NDEL1: variants seen among roughly 807,000 people sequenced by gnomAD.
NDEL1 encodes the protein nudE neurodevelopment protein 1 like 1.
A neutral mutation model predicts 45.7 loss-of-function variants in NDEL1; 9 were observed. The observed-to-expected ratio is 0.20, with a 90% CI of 0.12 to 0.34. The LOEUF is 0.34. Ranked by LOEUF, NDEL1 falls within the 10% of genes least tolerant of loss-of-function variation. NDEL1 has a pLI of 1.00. For missense variants in NDEL1, 306 were observed against 406.2 expected (o/e 0.75, Z 2.12); for synonymous variants, 133 against 158.6 (o/e 0.84, Z 1.21).
intron 1 of NDEL1, among the ~76,000 whole-genome samples, chr17:8,424,132 T>C (rs1433734597): frequency 6.6e-6 from 1 of 152,236 alleles, no homozygotes; most frequent in Non-Finnish European, 1.5e-5. Context: ...TTGGTGTTTT[T>C]GTCCCTAGAC....
At chr17:8,441,026 T>C (rs1010047855) in intron 1 of NDEL1, among the ~76,000 whole-genome samples, 49 of 152,196 alleles carry the variant, frequency 3.2e-4, no homozygotes, top group African/African-American at 1.1e-3. Flanking sequence ...CTAACAGTCA[T>C]TAGGAACTTC....
rs1189776067 is a variant in NDEL1 at position 8,467,057 on chromosome 17, C to A, written c.*34C>A. 6.2e-7 allele frequency: 1 copy of A among 1,605,508 alleles called. No individual in the cohort carries two copies. The highest frequency in any genetic ancestry group is 1.7e-5 in the Admixed American group (1 of 59,980). On this transcript the variant is annotated 3_prime_UTR_variant, in exon 9 of 9. Transcript: ENST00000334527. The surrounding 1 kb of genome is among the most constrained non-coding windows in gnomAD (Gnocchi z 6.3). ...CCTCCAGGTGGGGGCTCCTGCCCTC[C>A]TCCAACAACCCAGGACACCCACGCC... is the stretch of plus-strand genomic sequence containing the variant.
At chr17:8,454,729 A>C in intron 6 of NDEL1, 67 bp from the exon 7 acceptor site, 1 of 1,198,690 alleles carries the variant, frequency 8.3e-7, no homozygotes, top group South Asian at 1.3e-5. Flanking sequence ...ACTTTGTAAC[A>C]TCAACAACAA....
At chr17:8,449,304 T>C (rs936670494) in intron 5 of NDEL1, among the ~76,000 whole-genome samples, 1 of 151,870 alleles carries the variant, frequency 6.6e-6, no homozygotes, top group African/African-American at 2.4e-5. Context: ...TAAGAAAACA[T>C]TTTTTTTGTG....
At chr17:8,444,174 G>T in intron 1 of NDEL1, 86 bp from the exon 2 acceptor site, 1 of 808,076 alleles carries the variant, frequency 1.2e-6, no homozygotes, top group Non-Finnish European at 2.1e-6. Flanking sequence ...CCAAAATGCT[G>T]CAGTTCAGTG....
intron 1 of NDEL1, among the ~76,000 whole-genome samples, chr17:8,418,226 A>G (rs760766164): frequency 1.6e-4 from 24 of 151,992 alleles, no homozygotes; most frequent in Non-Finnish European, 2.9e-4. Flanking sequence ...ACCTTTTAAA[A>G]TTTTTGTTCG....
chr17:8,464,489 C>T (rs984551830), intron 8 of NDEL1: 1 of 152,218 alleles, frequency 6.6e-6, no homozygotes, highest in African/African-American at 2.4e-5. Flanking sequence ...TTTCTTCTCT[C>T]TCTGTTCTTT....
intron 1 of NDEL1, among the ~76,000 whole-genome samples, chr17:8,421,438 G>A (rs1908704281): frequency 6.6e-6 from 1 of 152,134 alleles, no homozygotes; most frequent in Non-Finnish European, 1.5e-5. Flanking sequence ...GTCAGAGAAG[G>A]CAATATGATG....
chr17:8,448,832 G>C, intron 5 of NDEL1, 146 bp downstream of exon 5: 2 of 861,892 alleles, frequency 2.3e-6, no homozygotes, highest in Non-Finnish European at 3.4e-6. Context: ...GTATATGGAG[G>C]GCTGACTTTT....
chr17:8,468,156 A>G lies in NDEL1; in HGVS notation c.*1133A>G, dbSNP rs543974954. 1.3e-5 allele frequency: 2 copies of G among 152,548 alleles called. No individual in the cohort carries two copies. Among genetic ancestry groups the G allele is most frequent in the South Asian group, 4.1e-4 (2 of 4,834 alleles). 9.4% of individuals were successfully genotyped at this position (152,548 alleles called of 1,614,324 possible). The stretch of plus-strand genomic sequence containing the variant: ...TGTGGAAACAATAAATTTCACAGAA[A>G]AAAAGGATTGACGTTGCTTTATTCA... On this transcript the variant is annotated 3_prime_UTR_variant, in exon 9 of 9. Transcript: ENST00000334527.
intron 1 of NDEL1, among the ~76,000 whole-genome samples, chr17:8,441,332 T>C (rs1472730344): frequency 2.6e-5 from 4 of 152,160 alleles, no homozygotes; most frequent in African/African-American, 9.7e-5. Flanking sequence ...CATCAAAGGC[T>C]ACAAAACCAG....
chr17:8,429,376 T>C (rs913671794), intron 1 of NDEL1, among the ~76,000 whole-genome samples: 1 of 152,238 alleles, frequency 6.6e-6, no homozygotes, highest in Non-Finnish European at 1.5e-5. Context: ...TTTTGGTTTC[T>C]TGGGGGAGAT....
intron 8 of NDEL1, chr17:8,466,699 C>T (rs560161645): frequency 2.1e-5 from 12 of 560,224 alleles, no homozygotes; most frequent in Admixed American, 6.7e-5. Context: ...GGCCAGTGTG[C>T]GGCAGTTGCC....
Position 8,467,485 on chromosome 17 carries a change from C to A in NDEL1, c.*462C>A. The A allele has an allele frequency of 2.7e-6, 1 of 366,916 alleles. No individual in the cohort carries two copies. The highest frequency in any genetic ancestry group is 4.9e-6 in the Non-Finnish European group (1 of 205,978). 22.7% of individuals were successfully genotyped at this position (366,916 alleles called of 1,614,324 possible). A position where few individuals can be genotyped will look rare whatever the true frequency, so the allele number is the denominator to read the frequency against. ...TCTCCAGTGCTCATGATCATGTGTCCCCCAACTCCACCCCTCACAGTTTGG... is the reference window on the plus strand; with the variant it reads ...TCTCCAGTGCTCATGATCATGTGTCACCCAACTCCACCCCTCACAGTTTGG... On this transcript the variant is annotated 3_prime_UTR_variant, in exon 9 of 9. Coordinates refer to ENST00000334527, the MANE Select transcript of NDEL1 (RefSeq NM_030808.5). This position sits in a 1 kb window ranked among gnomAD's most constrained non-coding sequence, Gnocchi z 6.3.
Position 8,467,014 on chromosome 17 carries a change from CAG to C in NDEL1, c.1030_1031del (p.Ser344CysfsTer5), listed in dbSNP as rs765711851. ...PSSAPGMLPL[S>X]V is the part of the protein sequence containing the mutation. ...CGTCAGCGCCGGGTATGCTGCCTCT[CAG>C]TGTGTGAGTGCCTAGCCTCCAGGTG... On this transcript the variant is annotated frameshift_variant, in exon 9 of 9. Transcript: ENST00000334527. LOFTEE classifies it high-confidence loss of function. This position sits in a 1 kb window ranked among gnomAD's most constrained non-coding sequence, Gnocchi z 6.3. 4 of 1,614,148 alleles carry C rather than the reference CAG, an allele frequency of 2.5e-6. No individual in the cohort carries two copies. In the Admixed American group the frequency reaches 6.7e-5, roughly 27 times the overall value.
chr17:8,429,160 C>G (rs1434060496), intron 1 of NDEL1, among the ~76,000 whole-genome samples: 1 of 152,112 alleles, frequency 6.6e-6, no homozygotes, highest in African/African-American at 2.4e-5. Flanking sequence ...GCCTTTCATA[C>G]CAGCGAAAAT....
intron 1 of NDEL1, among the ~76,000 whole-genome samples, chr17:8,426,770 T>C (rs901723006): frequency 2.6e-5 from 4 of 151,948 alleles, no homozygotes; most frequent in Admixed American, 6.6e-5. Flanking sequence ...GTTCCATCAA[T>C]AGGGGAGAAA....
chr17:8,418,189 T>C (rs939382288), intron 1 of NDEL1, among the ~76,000 whole-genome samples: 6 of 152,178 alleles, frequency 3.9e-5, no homozygotes, highest in African/African-American at 1.4e-4. Flanking sequence ...TTGTTTCCTT[T>C]CCTATCATCT....
At chr17:8,444,001 C>T (rs1231597901) in intron 1 of NDEL1, 1 of 304,976 alleles carries the variant, frequency 3.3e-6, no homozygotes, top group African/African-American at 2.2e-5. Context: ...TCACCCAGCG[C>T]CTATGCTGCA....
Sources: gnomAD v4.1 joint callset for allele counts (sites outside exome capture counted in the v4.1 genomes callset) on GRCh38, gnomAD v4.1.1 for gene constraint, Gnocchi (gnomAD v3.1) non-coding constraint, MANE v1.5 for transcripts, NCBI Gene and HGNC (gene_info 2026-07-23, HGNC 2026-07-21) for gene names.